Variants in LRRC49 observed in about 807,000 individuals in gnomAD.
LRRC49 encodes leucine-rich repeat-containing protein 49.
LRRC49 carries 50 observed loss-of-function variants against 83.3 expected under a neutral mutation model. That is an observed-to-expected ratio of 0.60 (90% CI 0.48 to 0.76). The LOEUF (loss-of-function observed/expected upper bound fraction) is 0.76. Among genes scored for constraint, LRRC49 ranks in the 30% least tolerant of loss-of-function variants. LRRC49 has a pLI of 0.00. For missense variants in LRRC49, 704 were observed against 809.1 expected (o/e 0.87, Z 1.58); for synonymous variants, 286 against 283.3 (o/e 1.01, Z -0.10).
intron 2 of LRRC49, chr15:70,882,769 C>G (rs144217156): frequency 1.9e-6 from 3 of 1,614,114 alleles, no homozygotes; most frequent in Admixed American, 3.3e-5. Context: ...ACCCACACTA[C>G]GGTGACGGGG....
At chr15:70,954,556 G>A (rs2036331702) in intron 8 of LRRC49, among the ~76,000 whole-genome samples, 1 of 152,194 alleles carries the variant, frequency 6.6e-6, no homozygotes, top group African/African-American at 2.4e-5. Context: ...TGTGACAGCT[G>A]ATGATTCTTT....
At chr15:70,876,210 C>T (rs1370512802) in intron 2 of LRRC49, among the ~76,000 whole-genome samples, 1 of 152,214 alleles carries the variant, frequency 6.6e-6, no homozygotes, top group Non-Finnish European at 1.5e-5. Flanking sequence ...CACCTCACTA[C>T]TCGAATTGCC....
At chr15:70,920,768 T>C (rs1462026909) in intron 7 of LRRC49, among the ~76,000 whole-genome samples, 1 of 152,216 alleles carries the variant, frequency 6.6e-6, no homozygotes, top group African/African-American at 2.4e-5. Context: ...AAGAAGACAG[T>C]AGTAAGTATC....
At chr15:70,987,113 C>T (rs1271561523) in intron 11 of LRRC49, among the ~76,000 whole-genome samples, 1 of 152,146 alleles carries the variant, frequency 6.6e-6, no homozygotes, top group Non-Finnish European at 1.5e-5. Flanking sequence ...GGTTGTGTCT[C>T]TACCCGGCTT....
At chr15:70,918,976 T>C in intron 6 of LRRC49, 74 bp from the exon 7 acceptor site, 1 of 1,197,540 alleles carries the variant, frequency 8.4e-7, no homozygotes, top group Non-Finnish European at 1.2e-6. Flanking sequence ...GAATATTTTA[T>C]TTTTAGGGTT....
chr15:71,040,667 A>C (rs2039671947), intron 15 of LRRC49, among the ~76,000 whole-genome samples: 1 of 151,892 alleles, frequency 6.6e-6, no homozygotes, highest in South Asian at 2.1e-4. Flanking sequence ...AAAATGCAAA[A>C]AAATTAGCCG....
upstream of LRRC49, chr15:70,892,288 T>G (rs1300756444): frequency 6.4e-7 from 1 of 1,554,122 alleles, no homozygotes. Flanking sequence ...CCGTCTTCGG[T>G]GCGCGGGAGC....
intron 10 of LRRC49, among the ~76,000 whole-genome samples, chr15:70,981,333 G>C (rs145032740): frequency 1.1e-4 from 16 of 148,754 alleles, no homozygotes; most frequent in African/African-American, 3.7e-4. Flanking sequence ...ATCACACACC[G>C]GGGCCTGTTG....
intron 10 of LRRC49, among the ~76,000 whole-genome samples, 166 bp downstream of exon 10, chr15:70,980,350 A>T (rs920219303): frequency 7.2e-5 from 11 of 152,186 alleles, no homozygotes; most frequent in African/African-American, 2.7e-4. Context: ...ATTACCTATA[A>T]ATAAACCTGT....
chr15:71,017,936 A>C (rs1356844313), intron 14 of LRRC49, among the ~76,000 whole-genome samples: 1 of 152,204 alleles, frequency 6.6e-6, no homozygotes, highest in African/African-American at 2.4e-5. Flanking sequence ...TTAACTTTGG[A>C]AAGTAACCAA....
At chr15:70,869,307 A>G (rs898915888) in intron 1 of LRRC49, among the ~76,000 whole-genome samples, 8 of 152,152 alleles carry the variant, frequency 5.3e-5, no homozygotes, top group African/African-American at 1.9e-4. Flanking sequence ...TATAGATGCC[A>G]TTCACTTCTT....
rs566019772 is a variant in LRRC49 at position 70,972,504 on chromosome 15, G to A, written c.922-7597G>A. ...GAGGAGTATCTTTGTGGTGTTCTCCGTATTTCCTGAATTTGAATGTTGGCC... is the reference window on the plus strand; with the variant it reads ...GAGGAGTATCTTTGTGGTGTTCTCCATATTTCCTGAATTTGAATGTTGGCC... On this transcript the variant is annotated intron_variant, in intron 9 of 15. Coordinates refer to ENST00000260382, the MANE Select transcript of LRRC49 (RefSeq NM_017691.5). Among the ~76,000 whole-genome samples, 6 of 152,240 alleles carry A rather than the reference G, an allele frequency of 3.9e-5. No homozygotes were observed. The East Asian group carries it at 7.7e-4, about 20-fold the overall frequency.
At chr15:70,993,887 C>A (rs545891697) in intron 11 of LRRC49, among the ~76,000 whole-genome samples, 32 of 152,218 alleles carry the variant, frequency 2.1e-4, no homozygotes, top group African/African-American at 7.5e-4. Context: ...CTGTGTCTCC[C>A]AGGCTGGAGG....
chr15:70,967,943 A>G (rs1027616254), intron 9 of LRRC49, among the ~76,000 whole-genome samples: 4 of 150,428 alleles, frequency 2.7e-5, no homozygotes, highest in Admixed American at 1.3e-4. Flanking sequence ...GAAAGGTAAG[A>G]TGAAGTAACT....
chr15:71,035,326 C>T (rs2039485112), intron 14 of LRRC49, among the ~76,000 whole-genome samples: 1 of 151,684 alleles, frequency 6.6e-6, no homozygotes, highest in Admixed American at 6.6e-5. Flanking sequence ...CAAATGTGAA[C>T]ATTATTATTG....
intron 1 of LRRC49, among the ~76,000 whole-genome samples, chr15:70,872,299 G>A (rs1198516261): frequency 2.6e-5 from 4 of 152,224 alleles, no homozygotes; most frequent in Non-Finnish European, 5.9e-5. Flanking sequence ...GCAGGCTGAG[G>A]CAGGAGAATC....
chr15:70,892,363 C>T (rs1440976397), upstream of LRRC49: 2 of 1,547,662 alleles, frequency 1.3e-6, no homozygotes, highest in East Asian at 2.4e-5. Context: ...GCAAGTCCTC[C>T]CCTCCTCACC....
chr15:70,992,676 C>G (rs745810772), intron 11 of LRRC49, among the ~76,000 whole-genome samples: 2 of 152,234 alleles, frequency 1.3e-5, no homozygotes, highest in Non-Finnish European at 2.9e-5. Flanking sequence ...TGGGTATCAG[C>G]AGCAGAGGCT....
chr15:71,008,501 G>A lies in LRRC49; in HGVS notation c.1292G>A (p.Arg431Lys), dbSNP rs1370395279. Residue 431 changes from arginine (R) to lysine (K), a missense_variant, in exon 12 of 16, where the codon AGG becomes AAG. Transcript: ENST00000260382. ...YGSGALESLD[R>K]NWSVQTAGMI... is the part of the protein sequence containing the mutation. ...TCAGGAGCACTGGAATCTCTGGATAGGAATTGGAGTGTTCAAACAGCAGGA... is the reference window on the plus strand; with the variant it reads ...TCAGGAGCACTGGAATCTCTGGATAAGAATTGGAGTGTTCAAACAGCAGGA... 1.2e-6 allele frequency: 2 copies of A among 1,612,656 alleles called. No individual in the cohort carries two copies. The highest frequency in any genetic ancestry group is 1.7e-6 in the Non-Finnish European group (2 of 1,179,162).
Sources: gnomAD v4.1 joint callset for allele counts (sites outside exome capture counted in the v4.1 genomes callset) on GRCh38, gnomAD v4.1.1 for gene constraint, MANE v1.5 for transcripts, NCBI Gene and HGNC (gene_info 2026-07-23, HGNC 2026-07-21) for gene names.